HEATR4: variants seen among roughly 807,000 people sequenced by gnomAD.
The protein encoded by HEATR4 is HEAT repeat containing 4, also known as HEAT repeat-containing protein 4.
Under a neutral mutation model 108.8 loss-of-function variants are expected in HEATR4, and 95 were observed. That is an observed-to-expected ratio of 0.87 (90% CI 0.74 to 1.04). HEATR4 has a LOEUF of 1.04. HEATR4 is among the 50% of genes least tolerant of loss of function. HEATR4 has a pLI of 0.00. For synonymous variants in HEATR4, 443 were observed against 459.4 expected, an observed-to-expected ratio of 0.96 and a Z score of 0.46; for missense variants, 1,152 against 1,253.8, an observed-to-expected ratio of 0.92 and a Z score of 1.23.
rs374028133 is a variant in HEATR4, at chr14:73,522,652, A to C, written c.501T>G (p.His167Gln). The C allele has an allele frequency of 6.2e-7, 1 of 1,614,168 alleles. No individual in the cohort carries two copies. The highest frequency in any genetic ancestry group is 2.2e-5 in the East Asian group (1 of 44,884). Residue 167 changes from histidine (H) to glutamine (Q), a missense_variant, in exon 3 of 18, where the codon CAT (histidine) becomes CAG (glutamine). His to Gln is a conservative substitution (Grantham distance 24, BLOSUM62 0). Coordinates refer to ENST00000553558, the MANE Select transcript of HEATR4 (RefSeq NM_001220484.1). ...VREAPRPLIH[H>Q]PCMHPDMLGR... ...CCAGCATATCTGGATGCATGCAGGG[A>C]TGATGGATGAGAGGGCGGGGTGCTT...
chr14:73,592,165 G>C, the HEATR4 span: 2 of 1,602,810 alleles, frequency 1.2e-6, no homozygotes, highest in Non-Finnish European at 1.7e-6. Flanking sequence ...CCCGCGCTGG[G>C]CGGCAGCTTC....
At chr14:73,614,078 G>A in the HEATR4 span, among the ~76,000 whole-genome samples, 3 of 149,604 alleles carry the variant, frequency 2.0e-5, no homozygotes, top group African/African-American at 7.4e-5. Flanking sequence ...GTGCATGCCT[G>A]TAGTCCCAGC....
the HEATR4 span, among the ~76,000 whole-genome samples, chr14:73,625,128 G>A: frequency 2.0e-5 from 3 of 151,668 alleles, no homozygotes; most frequent in Non-Finnish European, 4.4e-5. Context: ...GTGTGATCTC[G>A]GCTCACTGCA....
At chr14:73,591,077 T>C in the HEATR4 span, among the ~76,000 whole-genome samples, 1 of 152,098 alleles carries the variant, frequency 6.6e-6, no homozygotes, top group South Asian at 2.1e-4. Context: ...ACCTCCTCTC[T>C]AAAAATAAAC....
intron 2 of HEATR4, among the ~76,000 whole-genome samples, chr14:73,526,042 A>G (rs1281296733): frequency 6.6e-6 from 1 of 152,028 alleles, no homozygotes; most frequent in Non-Finnish European, 1.5e-5. Context: ...AAGAAGAGGC[A>G]CTGAAGAGGG....
At chr14:73,601,989 G>A in the HEATR4 span, among the ~76,000 whole-genome samples, 2 of 151,454 alleles carry the variant, frequency 1.3e-5, no homozygotes, top group Admixed American at 1.3e-4. Context: ...TGCCCAGGCT[G>A]GAGTGCAGTG....
the HEATR4 span, among the ~76,000 whole-genome samples, chr14:73,570,215 T>TG: frequency 6.6e-6 from 1 of 151,630 alleles, no homozygotes; most frequent in Non-Finnish European, 1.5e-5. Flanking sequence ...GAAAGCTGAT[T>TG]GGGGAAGTGT....
At chr14:73,632,460 T>C in the HEATR4 span, among the ~76,000 whole-genome samples, 1 of 152,118 alleles carries the variant, frequency 6.6e-6, no homozygotes, top group African/African-American at 2.4e-5. Flanking sequence ...TGTATATATA[T>C]ACAAAATACA....
the HEATR4 span, chr14:73,569,166 T>G: frequency 6.4e-7 from 1 of 1,555,518 alleles, no homozygotes; most frequent in East Asian, 2.3e-5. Flanking sequence ...TCGGCTGGAC[T>G]CTGGCCTTCC....
Position 73,508,255 on chromosome 14 carries a change from G to A in HEATR4, c.1760C>T (p.Ala587Val). The A allele has an allele frequency of 6.2e-7, 1 of 1,614,022 alleles. No individual in the cohort carries two copies. Among genetic ancestry groups the A allele is most frequent in the East Asian group, 2.2e-5 (1 of 44,868 alleles). Reference sequence around the variant, plus strand: ...AGGGTAAGTAGCAGTACCTTCCAGAGCCAAGCACTGAGCTGCAGCCCAGCT... The same window carrying A: ...AGGGTAAGTAGCAGTACCTTCCAGAACCAAGCACTGAGCTGCAGCCCAGCT... ...VDSWAAAQCL[A>V]LEGTATYPVI... Residue 587 changes from alanine to valine, a missense_variant, in exon 9 of 18, where the codon GCT becomes GTT. By Grantham distance (64) the Ala-to-Val change is moderately conservative. Coordinates refer to ENST00000553558, the MANE Select transcript of HEATR4 (RefSeq NM_001220484.1).
Position 73,487,074 on chromosome 14 carries a change from T to C in HEATR4, c.2844+5992A>G, listed in dbSNP as rs972029666. 8.6e-4 allele frequency among the ~76,000 whole-genome samples: 127 copies of C among 148,150 alleles called. 4 individuals are homozygous for C. Among genetic ancestry groups the C allele is most frequent in the African/African-American group, 3.0e-3 (123 of 40,716 alleles). ...TGAGGTCAGGAGATGGAGACCATCC[T>C]GGCTAACATGGTGAAACCCCGTCTG... On this transcript the variant is annotated intron_variant, in intron 17 of 17. Coordinates refer to ENST00000553558, the MANE Select transcript of HEATR4 (RefSeq NM_001220484.1).
chr14:73,586,159 C>G, the HEATR4 span, among the ~76,000 whole-genome samples: 2 of 151,234 alleles, frequency 1.3e-5, no homozygotes, highest in Non-Finnish European at 3.0e-5. Flanking sequence ...TTTGGGAGGC[C>G]GAGGCGAGTG....
intron 17 of HEATR4, among the ~76,000 whole-genome samples, chr14:73,488,327 G>A (rs1397584843): frequency 3.3e-5 from 5 of 152,214 alleles, no homozygotes; most frequent in African/African-American, 1.2e-4. Context: ...CTGGAGTGCA[G>A]TAGCGTGATC....
rs562372667 is a variant in HEATR4, at chr14:73,538,018, C to A, written c.-151-7774G>T. On this transcript the variant is annotated intron_variant, in intron 1 of 17. Transcript: ENST00000553558. ...CCCTCCTCCCGCCCCACCACCACCACCCCGGGCTATGTTGCCCAGGTAGGT... is the reference window on the plus strand; with the variant it reads ...CCCTCCTCCCGCCCCACCACCACCAACCCGGGCTATGTTGCCCAGGTAGGT... 17 of 781,992 alleles carry A rather than the reference C, an allele frequency of 2.2e-5. 5 individuals carry two copies. In the African/African-American group the frequency reaches 2.8e-4, roughly 13 times the overall value. The allele number at this position is 781,992 out of a possible 1,614,324, so 48.4% of individuals were successfully genotyped here. A position where few individuals can be genotyped will look rare whatever the true frequency, so the allele number is the denominator to read the frequency against.
chr14:73,478,930 G>A, intron 17 of HEATR4, 88 bp from the exon 18 acceptor site: 5 of 961,712 alleles, frequency 5.2e-6, no homozygotes, highest in Non-Finnish European at 6.3e-6. Flanking sequence ...TTTGGCTATA[G>A]GGTGTCTCCT....
intron 4 of HEATR4, 21 bp from the exon 5 acceptor site, chr14:73,519,184 A>G (rs1679889315): frequency 1.9e-6 from 3 of 1,605,302 alleles, no homozygotes; most frequent in Non-Finnish European, 1.7e-6. Context: ...ACAAAGAAAC[A>G]ATGAGTCCCC....
the HEATR4 span, chr14:73,592,321 G>A: frequency 5.0e-6 from 8 of 1,608,804 alleles, no homozygotes; most frequent in Admixed American, 1.3e-4. Flanking sequence ...CGGCTGCTGT[G>A]CCAGGCGCAG....
At chr14:73,630,156 G>A in the HEATR4 span, among the ~76,000 whole-genome samples, 5,027 of 152,100 alleles carry the variant, frequency 0.033, 279 homozygotes, top group African/African-American at 0.11. Context: ...AAAAGAAGAC[G>A]CAGATAAGCT....
chr14:73,565,115 G>A, the HEATR4 span, among the ~76,000 whole-genome samples: 1 of 151,912 alleles, frequency 6.6e-6, no homozygotes, highest in African/African-American at 2.4e-5. Flanking sequence ...GATATGATAA[G>A]CATCCTTGTA....
Sources: gnomAD v4.1 joint callset for allele counts (sites outside exome capture counted in the v4.1 genomes callset) on GRCh38, gnomAD v4.1.1 for gene constraint, MANE v1.5 for transcripts, NCBI Gene and HGNC (gene_info 2026-07-23, HGNC 2026-07-21) for gene names.